PTCHD1: variants seen among roughly 807,000 people sequenced by gnomAD.
The protein encoded by PTCHD1 is patched domain containing 1.
In PTCHD1, 3 loss-of-function variants were observed where a neutral mutation model predicts 34.6. The observed-to-expected ratio is 0.09, with a 90% confidence interval of 0.04 to 0.22. PTCHD1 has a LOEUF of 0.22. Ranked by LOEUF, PTCHD1 falls within the 10% of genes least tolerant of loss-of-function variation. PTCHD1 has a pLI of 1.00. For synonymous variants in PTCHD1, 305 were observed against 283.1 expected (o/e 1.08, Z -0.77); for missense variants, 504 against 685.5 (o/e 0.74, Z 2.96).
At chrX:23,378,281 C>A in intron 1 of PTCHD1, among the ~76,000 whole-genome samples, 1 of 111,861 alleles carries the variant, frequency 8.9e-6, no homozygotes, top group East Asian at 2.8e-4. Flanking sequence ...ATTCCTCCTA[C>A]CTACATGGCC....
chrX:23,374,280 CAAAAAAAAAAAA>C (rs752214252), intron 1 of PTCHD1, among the ~76,000 whole-genome samples: 5,710 of 24,238 alleles, frequency 0.24, 441 homozygotes, highest in African/African-American at 0.45. Flanking sequence ...GAAACAAATA[CAAAAAAAAAAAA>C]AAAAAAAAAA....
chrX:23,356,778 A>C (rs760260297), intron 1 of PTCHD1, among the ~76,000 whole-genome samples: 5 of 112,090 alleles, frequency 4.5e-5, no homozygotes, highest in Non-Finnish European at 9.4e-5. Context: ...CCAGGCATTA[A>C]ATTAAAACCA....
At chrX:23,371,017 G>A (rs1922264072) in intron 1 of PTCHD1, among the ~76,000 whole-genome samples, 1 of 111,080 alleles carries the variant, frequency 9.0e-6, no homozygotes, top group African/African-American at 3.3e-5. Flanking sequence ...GAGGCAGGAG[G>A]GGAAAGAACA....
intron 1 of PTCHD1, among the ~76,000 whole-genome samples, chrX:23,376,331 G>A (rs985142521): frequency 8.0e-5 from 9 of 112,167 alleles, no homozygotes; most frequent in African/African-American, 9.7e-5. Flanking sequence ...TGAGAAGAGC[G>A]TCTCTTACCT....
At chrX:23,335,305 G>A (rs1326280413) in intron 1 of PTCHD1, 79 bp downstream of exon 1, 2 of 831,738 alleles carry the variant, frequency 2.4e-6, no homozygotes, top group Non-Finnish European at 3.5e-6. Context: ...GGTCCCGGCT[G>A]AGAGCGCCAC....
intron 1 of PTCHD1, among the ~76,000 whole-genome samples, chrX:23,354,247 C>T (rs561882966): frequency 4.5e-5 from 5 of 110,581 alleles, no homozygotes; most frequent in East Asian, 2.8e-4. Flanking sequence ...AAAATTAGAG[C>T]GGTAGCCCTT....
At chrX:23,370,535 C>T (rs1247860808) in intron 1 of PTCHD1, among the ~76,000 whole-genome samples, 2 of 111,606 alleles carry the variant, frequency 1.8e-5, no homozygotes, top group African/African-American at 3.3e-5. Flanking sequence ...TCCTATAATA[C>T]GTTATTTTAT....
intron 1 of PTCHD1, among the ~76,000 whole-genome samples, chrX:23,369,127 CT>C (rs1922217498): frequency 1.8e-5 from 2 of 112,149 alleles, no homozygotes; most frequent in South Asian, 7.5e-4. Context: ...TGATGAAAGT[CT>C]TCTCCCTTTT....
chrX:23,336,719 C>G (rs889267507), intron 1 of PTCHD1, among the ~76,000 whole-genome samples: 1 of 111,509 alleles, frequency 9.0e-6, no homozygotes, highest in African/African-American at 3.3e-5. Context: ...GTTTGTTTTT[C>G]TCATGATTAG....
chrX:23,380,614 G>A (rs969144358), intron 2 of PTCHD1, among the ~76,000 whole-genome samples: 3 of 111,530 alleles, frequency 2.7e-5, no homozygotes, highest in Non-Finnish European at 5.6e-5. Context: ...AGCCCAGGAA[G>A]CACCAGTATG....
intron 1 of PTCHD1, among the ~76,000 whole-genome samples, chrX:23,358,102 A>G (rs1921859404): frequency 8.9e-6 from 1 of 111,929 alleles, no homozygotes; most frequent in Non-Finnish European, 1.9e-5. Flanking sequence ...TGTTGTGAAT[A>G]GTGCCGCAAT....
intron 1 of PTCHD1, among the ~76,000 whole-genome samples, chrX:23,353,999 T>C (rs1323117991): frequency 9.0e-6 from 1 of 111,634 alleles, no homozygotes; most frequent in Non-Finnish European, 1.9e-5. Context: ...GGGACGCTTT[T>C]TAAAATACAG....
At chrX:23,377,062 A>C (rs763136279) in intron 1 of PTCHD1, among the ~76,000 whole-genome samples, 25 of 111,901 alleles carry the variant, frequency 2.2e-4, no homozygotes, top group Non-Finnish European at 4.5e-4. Flanking sequence ...AGAGTTTACA[A>C]CTCCCCACCC....
intron 2 of PTCHD1, among the ~76,000 whole-genome samples, chrX:23,383,459 C>A (rs985165794): frequency 1.8e-5 from 2 of 111,505 alleles, no homozygotes; most frequent in African/African-American, 6.5e-5. Context: ...ATGTGTCAAG[C>A]AGTATTAACC....
intron 1 of PTCHD1, among the ~76,000 whole-genome samples, chrX:23,361,971 A>G (rs1921997757): frequency 8.9e-6 from 1 of 112,407 alleles, no homozygotes; most frequent in Non-Finnish European, 1.9e-5. Context: ...AATGTTGAAT[A>G]TTGGCCCCCA....
intron 1 of PTCHD1, among the ~76,000 whole-genome samples, chrX:23,346,444 G>A (rs1267137741): frequency 9.0e-6 from 1 of 111,553 alleles, no homozygotes; most frequent in Non-Finnish European, 1.9e-5. Flanking sequence ...ACATCAGGGG[G>A]AAGGGGCAGA....
chrX:23,380,754 T>G, intron 2 of PTCHD1, among the ~76,000 whole-genome samples: 1 of 111,230 alleles, frequency 9.0e-6, no homozygotes, highest in East Asian at 2.8e-4. Flanking sequence ...ACAGGGGACC[T>G]TTGGGAGACC....
intron 1 of PTCHD1, among the ~76,000 whole-genome samples, chrX:23,374,301 A>C (rs1922350427): frequency 2.0e-5 from 2 of 100,199 alleles, no homozygotes; most frequent in African/African-American, 3.5e-5. Context: ...AAAAAAAAAA[A>C]AAAAAAAACC....
chrX:23,354,834 G>C (rs1323183095), intron 1 of PTCHD1, among the ~76,000 whole-genome samples: 1 of 109,394 alleles, frequency 9.1e-6, no homozygotes, highest in Non-Finnish European at 1.9e-5. Context: ...GCCTCCCAAA[G>C]TGCTGGGATT....
Sources: gnomAD v4.1 joint callset for allele counts (sites outside exome capture counted in the v4.1 genomes callset) on GRCh38, gnomAD v4.1.1 for gene constraint, MANE v1.5 for transcripts, NCBI Gene and HGNC (gene_info 2026-07-23, HGNC 2026-07-21) for gene names.